The following CNGB3 variants were observed in gnomAD, a reference collection of about 807,000 sequenced individuals.
CNGB3 encodes the protein cyclic nucleotide gated channel subunit beta 3, also known as cyclic nucleotide-gated channel beta-3.
CNGB3 carries 86 observed loss-of-function variants against 92.8 expected under a neutral mutation model. The ratio of observed to expected loss-of-function variants is 0.93; its 90% CI spans 0.78 to 1.11. The LOEUF (loss-of-function observed/expected upper bound fraction) is 1.11, where lower values mean the gene tolerates loss of function less well. Ranked by LOEUF, CNGB3 falls within the 50% of genes least tolerant of loss-of-function variation. The probability of loss-of-function intolerance (pLI) is 0.00; values close to 1 mark genes in which losing one functional copy is unlikely to be tolerated. For synonymous variants in CNGB3, 333 were observed against 332.7 expected, an observed-to-expected ratio of 1.00 and a Z score of -0.01; for missense variants, 1,026 against 956.8, an observed-to-expected ratio of 1.07 and a Z score of -0.95.
At chr8:86,709,133 C>T (rs967568153) in intron 3 of CNGB3, among the ~76,000 whole-genome samples, 6 of 152,116 alleles carry the variant, frequency 3.9e-5, no homozygotes, top group African/African-American at 7.2e-5. Context: ...GCAATTGCCA[C>T]AGTGGTGTCT....
In CNGB3 at chr8:86,716,429, A is replaced by G. The variant is rs150782711; in HGVS notation, c.338+10102T>C. Among the ~76,000 whole-genome samples the G allele has an allele frequency of 2.7e-3, 411 of 152,338 alleles. 1 individual carries two copies. Among genetic ancestry groups the G allele is most frequent in the African/African-American group, 9.0e-3 (376 of 41,580 alleles). On this transcript the variant is annotated intron_variant, in intron 3 of 17. Coordinates refer to ENST00000320005, the MANE Select transcript of CNGB3 (RefSeq NM_019098.5). ...CGCCTAGCACATAGTCAGGTTATCT[A>G]AAGTCAAGATGAAGGAAAAAATCTT...
intron 10 of CNGB3, among the ~76,000 whole-genome samples, chr8:86,642,635 G>T (rs2131593289): frequency 6.6e-6 from 1 of 151,590 alleles, no homozygotes; most frequent in East Asian, 1.9e-4. Flanking sequence ...TTCCAGTTTG[G>T]ACATTGCCTT....
chr8:86,628,470 G>A (rs1421163417), intron 12 of CNGB3, among the ~76,000 whole-genome samples: 2 of 152,110 alleles, frequency 1.3e-5, no homozygotes, highest in Admixed American at 1.3e-4. Flanking sequence ...CTGTGTTCTG[G>A]GTAAGAGAGT....
intron 15 of CNGB3, among the ~76,000 whole-genome samples, chr8:86,600,092 G>A (rs1403472215): frequency 1.3e-5 from 2 of 152,112 alleles, no homozygotes; most frequent in Admixed American, 6.5e-5. Context: ...AACACTTAGG[G>A]AAAATAGAAA....
chr8:86,647,641 A>G (rs1264356263), intron 8 of CNGB3, among the ~76,000 whole-genome samples, 160 bp downstream of exon 8: 1 of 151,058 alleles, frequency 6.6e-6, no homozygotes, highest in Non-Finnish European at 1.5e-5. Flanking sequence ...ATTAAAAAAA[A>G]TTATAGCATT....
At chr8:86,589,806 G>T (rs932346287) in intron 15 of CNGB3, among the ~76,000 whole-genome samples, 11 of 152,006 alleles carry the variant, frequency 7.2e-5, no homozygotes, top group Non-Finnish European at 1.5e-4. Flanking sequence ...TGAAAAAAAT[G>T]TATATTCTGT....
intron 17 of CNGB3, 55 bp from the exon 18 acceptor site, chr8:86,576,185 A>T (rs943446223): frequency 4.5e-5 from 71 of 1,581,500 alleles, no homozygotes; most frequent in Non-Finnish European, 5.9e-5. Flanking sequence ...AAAACATTGG[A>T]TTAGATTTTG....
chr8:86,648,633 C>T, intron 7 of CNGB3, among the ~76,000 whole-genome samples: 1 of 151,036 alleles, frequency 6.6e-6, no homozygotes, highest in East Asian at 1.9e-4. Flanking sequence ...TTGATGGCAA[C>T]AACAATAAGA....
intron 4 of CNGB3, among the ~76,000 whole-genome samples, chr8:86,668,594 A>G (rs1263123391): frequency 1.3e-5 from 2 of 152,090 alleles, no homozygotes; most frequent in East Asian, 1.9e-4. Flanking sequence ...AGTGACATTT[A>G]TTTCACTGTG....
chr8:86,622,174 C>T (rs1822749337), intron 13 of CNGB3, among the ~76,000 whole-genome samples: 1 of 152,098 alleles, frequency 6.6e-6, no homozygotes. Flanking sequence ...ACAAATACAT[C>T]AATATGTAGT....
chr8:86,652,887 T>C (rs1173594351), intron 7 of CNGB3, among the ~76,000 whole-genome samples: 1 of 152,158 alleles, frequency 6.6e-6, no homozygotes, highest in Non-Finnish European at 1.5e-5. Context: ...CATAAGCTAG[T>C]AATATAGTTG....
intron 13 of CNGB3, among the ~76,000 whole-genome samples, chr8:86,615,702 TA>T (rs1822606971): frequency 6.6e-6 from 1 of 152,116 alleles, no homozygotes; most frequent in Non-Finnish European, 1.5e-5. Context: ...GTGGTCTGAA[TA>T]TAGAATATAT....
intron 15 of CNGB3, among the ~76,000 whole-genome samples, chr8:86,602,490 G>A (rs748856244): frequency 3.3e-5 from 5 of 152,128 alleles, no homozygotes; most frequent in Non-Finnish European, 5.9e-5. Context: ...CTTCTGTGAC[G>A]TGGTATAAAG....
intron 3 of CNGB3, among the ~76,000 whole-genome samples, chr8:86,691,915 T>C (rs1255307822): frequency 6.6e-6 from 1 of 152,190 alleles, no homozygotes; most frequent in African/African-American, 2.4e-5. Context: ...GAGGTTTTGA[T>C]GGGTTATGTC....
At chr8:86,614,140 C>T (rs766345393) in intron 13 of CNGB3, among the ~76,000 whole-genome samples, 1 of 151,876 alleles carries the variant, frequency 6.6e-6, no homozygotes, top group Non-Finnish European at 1.5e-5. Flanking sequence ...GGATCAGTCA[C>T]ACTTGACAAG....
intron 3 of CNGB3, among the ~76,000 whole-genome samples, chr8:86,674,091 G>C (rs922019988): frequency 2.0e-5 from 3 of 152,178 alleles, no homozygotes; most frequent in African/African-American, 7.2e-5. Flanking sequence ...TTTGACCTTA[G>C]TTGATGTGCC....
In CNGB3 at chr8:86,578,657, A is replaced by G. The variant is rs145077473; in HGVS notation, c.2103+32T>C. The G allele has an allele frequency of 6.7e-5, 108 of 1,610,852 alleles. 1 individual carries two copies. In the African/African-American group the frequency reaches 1.2e-3, roughly 18 times the overall value. ...ATATACTTAGTCTGGGGCCTTCTCC[A>G]TGACAGCCGTCCATTCACTCCACCT... On this transcript the variant is annotated intron_variant, in intron 17 of 17. Transcript: ENST00000320005.
At chr8:86,704,410 A>G (rs952205230) in intron 3 of CNGB3, 1 of 152,210 alleles carries the variant, frequency 6.6e-6, no homozygotes, top group African/African-American at 2.4e-5. Context: ...CAACTGAATT[A>G]AAGATTGTGT....
chr8:86,700,684 G>A (rs1824538743), intron 3 of CNGB3, among the ~76,000 whole-genome samples: 1 of 152,164 alleles, frequency 6.6e-6, no homozygotes, highest in Non-Finnish European at 1.5e-5. Flanking sequence ...TGACACCCAG[G>A]CTGGAGTGCA....
Sources: allele counts gnomAD v4.1 joint callset (sites outside exome capture counted in the v4.1 genomes callset), GRCh38; gene constraint gnomAD v4.1.1; transcripts MANE v1.5; gene names NCBI Gene and HGNC (gene_info 2026-07-23, HGNC 2026-07-21).